Variants in PDZD2 observed in about 807,000 individuals in gnomAD.
The protein encoded by PDZD2 is PDZ domain-containing protein 2.
Under a neutral mutation model 220.7 loss-of-function variants are expected in PDZD2, and 90 were observed. That is an observed-to-expected ratio of 0.41 (90% CI 0.34 to 0.49). The LOEUF is 0.49. Ranked by LOEUF, PDZD2 falls within the 20% of genes least tolerant of loss-of-function variation. PDZD2 has a pLI of 0.28. For synonymous variants in PDZD2, 1,375 were observed against 1,450.5 expected, an observed-to-expected ratio of 0.95 and a Z score of 1.18; for missense variants, 3,174 against 3,608.5, an observed-to-expected ratio of 0.88 and a Z score of 3.08.
At chr5:32,059,200 ATTTTTG>A (rs760415528) in intron 12 of PDZD2, 33 bp from the exon 13 acceptor site, 1 of 1,110,510 alleles carries the variant, frequency 9.0e-7, no homozygotes, top group Admixed American at 1.8e-5. Context: ...TGATTGTGTA[ATTTTTG>A]TTTTTATTTT....
intron 1 of PDZD2, among the ~76,000 whole-genome samples, chr5:31,753,600 C>T (rs1580690291): frequency 6.7e-6 from 1 of 149,686 alleles, no homozygotes; most frequent in Non-Finnish European, 1.5e-5. Flanking sequence ...GACTCTGTCT[C>T]AAATAAATAA....
intron 1 of PDZD2, among the ~76,000 whole-genome samples, chr5:31,726,106 C>T (rs899531903): frequency 3.9e-5 from 6 of 152,154 alleles, no homozygotes; most frequent in Non-Finnish European, 7.3e-5. Context: ...AAACTCACTC[C>T]GTCCTGAGCC....
At chr5:32,105,715 G>GC (rs1282467444) in intron 24 of PDZD2, among the ~76,000 whole-genome samples, 1 of 152,190 alleles carries the variant, frequency 6.6e-6, no homozygotes, top group Non-Finnish European at 1.5e-5. Context: ...CAAAAGCTAT[G>GC]CAAGACCTTT....
chr5:31,828,252 T>C (rs1045253587), intron 2 of PDZD2, among the ~76,000 whole-genome samples: 1 of 152,212 alleles, frequency 6.6e-6, no homozygotes, highest in Non-Finnish European at 1.5e-5. Context: ...GTGTAACTTT[T>C]TGAGAAATCT....
Position 31,854,917 on chromosome 5 carries a change from G to C in PDZD2, c.476+55193G>C, listed in dbSNP as rs556321437. On this transcript the variant is annotated intron_variant, in intron 2 of 24. Coordinates refer to ENST00000438447, the MANE Select transcript of PDZD2 (RefSeq NM_178140.4). ...CTCCACCGCGGCGCGGAGGGAGGAGGGGGGGGTCCTCCCACAGACCTGGAG... is the reference window on the plus strand; with the variant it reads ...CTCCACCGCGGCGCGGAGGGAGGAGCGGGGGGTCCTCCCACAGACCTGGAG... 2.4e-5 allele frequency: 23 copies of C among 948,322 alleles called. No individual in the cohort carries two copies. The East Asian group carries it at 5.8e-4, about 24-fold the overall frequency. 58.7% of individuals were successfully genotyped at this position (948,322 alleles called of 1,614,324 possible). A position where few individuals can be genotyped will look rare whatever the true frequency, so the allele number is the denominator to read the frequency against.
intron 6 of PDZD2, among the ~76,000 whole-genome samples, chr5:32,029,969 C>G (rs1021549440): frequency 4.6e-5 from 7 of 152,232 alleles, no homozygotes; most frequent in Non-Finnish European, 1.0e-4. Context: ...AGCCAATTGG[C>G]AGGAATCTTC....
In PDZD2 at chr5:32,087,502, CAGGG is replaced by C. The variant is rs768462984; in HGVS notation, c.4057_4060del (p.Gly1353LeufsTer11). The stretch of plus-strand genomic sequence containing the variant: ...CCCCCTCACATCCCAGGAGCAGAGA[CAGGG>C]AGCTCCAGGTAACCACAGTAAGGCT... On this transcript the variant is annotated frameshift_variant, in exon 20 of 25. Transcript: ENST00000438447. LOFTEE classifies it high-confidence loss of function. This position sits in a 1 kb window ranked among gnomAD's most constrained non-coding sequence, Gnocchi z 4.0. 2 of 1,612,932 alleles carry C rather than the reference CAGGG, an allele frequency of 1.2e-6. No homozygotes were observed. The highest frequency in any genetic ancestry group is 1.7e-6 in the Non-Finnish European group (2 of 1,179,340).
At chr5:32,061,222 C>A in intron 14 of PDZD2, 88 bp downstream of exon 14, 1 of 1,378,142 alleles carries the variant, frequency 7.3e-7, no homozygotes, top group Non-Finnish European at 1.0e-6. Flanking sequence ...GTTTTCCCAG[C>A]TGGGGATAGG....
chr5:31,812,305 A>G (rs1390504789), intron 2 of PDZD2, among the ~76,000 whole-genome samples: 1 of 152,188 alleles, frequency 6.6e-6, no homozygotes, highest in East Asian at 1.9e-4. Context: ...ATCTTTAAAA[A>G]AAATTGAGTT....
intron 7 of PDZD2, among the ~76,000 whole-genome samples, chr5:32,041,524 A>G (rs1245592981): frequency 6.6e-6 from 1 of 152,140 alleles, no homozygotes; most frequent in Non-Finnish European, 1.5e-5. Context: ...GGATGCTGTT[A>G]ATCTTTAACC....
At chr5:31,739,649 C>T (rs191118893) in intron 1 of PDZD2, among the ~76,000 whole-genome samples, 4 of 152,204 alleles carry the variant, frequency 2.6e-5, no homozygotes, top group Non-Finnish European at 5.9e-5. Context: ...ATGATACCAG[C>T]CATTTAATTC....
chr5:32,078,297 T>C (rs184938470), intron 19 of PDZD2, among the ~76,000 whole-genome samples: 1 of 152,300 alleles, frequency 6.6e-6, no homozygotes, highest in African/African-American at 2.4e-5. Context: ...TAAGTGTTGA[T>C]GAGAGATTAA....
At position 31,639,532 on chromosome 5, in the gene PDZD2, A is replaced by C. The variant is rs547259777; in HGVS notation, c.-361+95A>C. ...ACCCCCGAGACCGTGTGTGCCCAGGAAAGTTTAGCTACAAATCCGGGTGCG... is the reference window on the plus strand; with the variant it reads ...ACCCCCGAGACCGTGTGTGCCCAGGCAAGTTTAGCTACAAATCCGGGTGCG... On this transcript the variant is annotated intron_variant, in intron 1 of 24. Transcript: ENST00000438447. This position sits in a 1 kb window ranked among gnomAD's most constrained non-coding sequence, Gnocchi z 4.1. 6.6e-6 allele frequency: 1 copy of C among 151,752 alleles called. No homozygotes were observed. Among genetic ancestry groups the C allele is most frequent in the South Asian group, 2.1e-4 (1 of 4,810 alleles). 9.4% of individuals were successfully genotyped at this position (151,752 alleles called of 1,614,324 possible).
chr5:31,849,952 A>G lies in PDZD2; in HGVS notation c.476+50228A>G, dbSNP rs1283024187. The stretch of plus-strand genomic sequence containing the variant: ...TATATACACATATATATATATACAT[A>G]TATATATATACACATATATATATAT... On this transcript the variant is annotated intron_variant, in intron 2 of 24. Transcript: ENST00000438447. Among the ~76,000 whole-genome samples, 15 of 21,198 alleles carry G rather than the reference A, an allele frequency of 7.1e-4. 5 individuals are homozygous for G. Among genetic ancestry groups the G allele is most frequent in the African/African-American group, 4.3e-3 (13 of 3,024 alleles). 13.9% of individuals were successfully genotyped at this position (21,198 alleles called of 152,430 possible).
At chr5:32,052,813 T>C in intron 9 of PDZD2, 83 bp downstream of exon 9, 3 of 1,470,340 alleles carry the variant, frequency 2.0e-6, no homozygotes, top group East Asian at 2.3e-5. Flanking sequence ...TATTTGTTTT[T>C]GTGTTTTTGT....
chr5:31,994,234 T>A (rs1283639910), intron 3 of PDZD2, among the ~76,000 whole-genome samples: 1 of 152,034 alleles, frequency 6.6e-6, no homozygotes, highest in Non-Finnish European at 1.5e-5. Context: ...CTTGAACTCC[T>A]GACCTCTGGT....
chr5:31,902,801 A>C (rs1190040363), intron 2 of PDZD2, among the ~76,000 whole-genome samples: 1 of 151,680 alleles, frequency 6.6e-6, no homozygotes, highest in Non-Finnish European at 1.5e-5. Context: ...TAGGAGGCGG[A>C]GGTTGCAGTG....
Position 31,639,190 on chromosome 5 carries a change from C to T in PDZD2, c.-608C>T, listed in dbSNP as rs1381054049. On this transcript the variant is annotated 5_prime_UTR_variant, in exon 1 of 25. Coordinates refer to ENST00000438447, the MANE Select transcript of PDZD2 (RefSeq NM_178140.4). The surrounding 1 kb of genome is among the most constrained non-coding windows in gnomAD (Gnocchi z 4.1). The stretch of plus-strand genomic sequence containing the variant: ...GAGCGGACCCCAGCGCCGGTGCGTG[C>T]CGGCCCCGGGCAGCGGGACGCGGCG... Among the ~76,000 whole-genome samples, 2 of 151,942 alleles carry T rather than the reference C, an allele frequency of 1.3e-5. No individual in the cohort carries two copies. Among genetic ancestry groups the T allele is most frequent in the African/African-American group, 4.8e-5 (2 of 41,430 alleles).
At chr5:31,992,892 C>T (rs1476368692) in intron 3 of PDZD2, among the ~76,000 whole-genome samples, 1 of 149,412 alleles carries the variant, frequency 6.7e-6, no homozygotes, top group African/African-American at 2.5e-5. Flanking sequence ...CACCATCCTA[C>T]TCTCGCGTGT....
Sources: allele counts gnomAD v4.1 joint callset (sites outside exome capture counted in the v4.1 genomes callset), GRCh38; gene constraint gnomAD v4.1.1; non-coding constraint Gnocchi (gnomAD v3.1); transcripts MANE v1.5; gene names NCBI Gene and HGNC (gene_info 2026-07-23, HGNC 2026-07-21).